SLC24A2: variants seen among roughly 807,000 people sequenced by gnomAD.
SLC24A2 encodes solute carrier family 24 member 2.
A neutral mutation model predicts 62.0 loss-of-function variants in SLC24A2; 36 were observed. The ratio of observed to expected loss-of-function variants is 0.58; its 90% confidence interval spans 0.44 to 0.77. The LOEUF is 0.77. SLC24A2 is among the 30% of genes least tolerant of loss of function. The pLI is 0.00. For missense variants in SLC24A2, 846 were observed against 817.9 expected, an observed-to-expected ratio of 1.03 and a Z score of -0.42; for synonymous variants, 358 against 294.0, an observed-to-expected ratio of 1.22 and a Z score of -2.23.
At chr9:20,205,798 T>C in the SLC24A2 span, among the ~76,000 whole-genome samples, 90 of 152,300 alleles carry the variant, frequency 5.9e-4, no homozygotes, top group African/African-American at 2.0e-3. Context: ...CTATCAGTTA[T>C]GAAAGTTAAA....
At chr9:19,521,770 T>C (rs1157839814) in intron 9 of SLC24A2, among the ~76,000 whole-genome samples, 1 of 152,168 alleles carries the variant, frequency 6.6e-6, no homozygotes, top group African/African-American at 2.4e-5. Flanking sequence ...CCTTACCAGG[T>C]ACTTGTGAGG....
intron 1 of SLC24A2, among the ~76,000 whole-genome samples, chr9:19,788,350 C>T (rs1564102581): frequency 6.6e-6 from 1 of 152,206 alleles, no homozygotes; most frequent in Non-Finnish European, 1.5e-5. Flanking sequence ...TTCAACTCCC[C>T]GGGCGCAAAG....
the SLC24A2 span, among the ~76,000 whole-genome samples, chr9:20,046,101 G>A: frequency 2.6e-5 from 4 of 152,326 alleles, no homozygotes; most frequent in Admixed American, 6.5e-5. Context: ...TGAGTGTGGT[G>A]TCCTCATCTT....
intron 8 of SLC24A2, among the ~76,000 whole-genome samples, chr9:19,531,580 G>T (rs1032834428): frequency 1.3e-5 from 2 of 152,232 alleles, no homozygotes; most frequent in African/African-American, 4.8e-5. Flanking sequence ...GGAAAAAGAT[G>T]CTGGACATTA....
the SLC24A2 span, chr9:19,927,496 G>C: frequency 6.6e-6 from 1 of 152,224 alleles, no homozygotes; most frequent in South Asian, 2.1e-4. Flanking sequence ...TTTGGGCCTA[G>C]AATTGACATC....
At chr9:20,122,461 C>T in the SLC24A2 span, among the ~76,000 whole-genome samples, 1 of 152,088 alleles carries the variant, frequency 6.6e-6, no homozygotes, top group Non-Finnish European at 1.5e-5. Context: ...CTGACGTGGG[C>T]AGATCACTTG....
At chr9:19,970,739 G>C in the SLC24A2 span, among the ~76,000 whole-genome samples, 1 of 152,028 alleles carries the variant, frequency 6.6e-6, no homozygotes, top group Non-Finnish European at 1.5e-5. Flanking sequence ...ATTTTCTGTT[G>C]CTCCATTTTC....
chr9:19,565,126 G>A (rs1835593802), intron 7 of SLC24A2, among the ~76,000 whole-genome samples: 1 of 152,106 alleles, frequency 6.6e-6, no homozygotes, highest in Non-Finnish European at 1.5e-5. Context: ...AATCACGCAG[G>A]AGAAAGAAAT....
chr9:19,560,116 A>G (rs762252180), intron 7 of SLC24A2, among the ~76,000 whole-genome samples: 1 of 152,156 alleles, frequency 6.6e-6, no homozygotes, highest in South Asian at 2.1e-4. Flanking sequence ...TAAGGGCTCT[A>G]AGGCTGAGGA....
chr9:20,244,203 A>C, the SLC24A2 span, among the ~76,000 whole-genome samples: 594 of 152,326 alleles, frequency 3.9e-3, 3 homozygotes, highest in African/African-American at 0.013. Context: ...AAAAGAAAAG[A>C]AAATATAAAC....
At chr9:19,719,146 T>A (rs1170420418) in intron 2 of SLC24A2, among the ~76,000 whole-genome samples, 6 of 152,040 alleles carry the variant, frequency 3.9e-5, no homozygotes, top group Admixed American at 6.5e-5. Context: ...CTTGAAGAAG[T>A]TTTCTGGGGG....
At chr9:19,745,887 G>C (rs1330625975) in intron 2 of SLC24A2, among the ~76,000 whole-genome samples, 1 of 152,096 alleles carries the variant, frequency 6.6e-6, no homozygotes, top group African/African-American at 2.4e-5. Context: ...ATCATAGTTA[G>C]GAAAGTGTCA....
At chr9:20,152,032 T>C in the SLC24A2 span, among the ~76,000 whole-genome samples, 3 of 151,998 alleles carry the variant, frequency 2.0e-5, no homozygotes, top group East Asian at 3.9e-4. Flanking sequence ...TTCTTCACCA[T>C]CTCCCATGGT....
At chr9:19,759,837 G>A (rs565468837) in intron 2 of SLC24A2, among the ~76,000 whole-genome samples, 1 of 152,134 alleles carries the variant, frequency 6.6e-6, no homozygotes, top group Non-Finnish European at 1.5e-5. Flanking sequence ...CTGAGAAAGT[G>A]AGTGAACCAC....
At chr9:19,636,260 C>T (rs1254998381) in intron 2 of SLC24A2, among the ~76,000 whole-genome samples, 1 of 52,760 alleles carries the variant, frequency 1.9e-5, no homozygotes, top group East Asian at 8.0e-4. Flanking sequence ...GTGTCCTTTT[C>T]TTTTCTTCTC....
the SLC24A2 span, among the ~76,000 whole-genome samples, chr9:20,197,185 A>G: frequency 6.6e-6 from 1 of 152,186 alleles, no homozygotes; most frequent in Non-Finnish European, 1.5e-5. Context: ...AGAGATTTCT[A>G]GAAATGAAAT....
At chr9:19,745,921 T>G (rs1587259120) in intron 2 of SLC24A2, among the ~76,000 whole-genome samples, 1 of 152,272 alleles carries the variant, frequency 6.6e-6, no homozygotes, top group African/African-American at 2.4e-5. Flanking sequence ...TCTAGTTTCC[T>G]GACATATCAT....
chr9:20,012,068 C>T, the SLC24A2 span, among the ~76,000 whole-genome samples: 1 of 152,100 alleles, frequency 6.6e-6, no homozygotes, highest in Non-Finnish European at 1.5e-5. Flanking sequence ...ATGTGACAAA[C>T]CTATGGCTAA....
the SLC24A2 span, among the ~76,000 whole-genome samples, chr9:20,143,046 G>C: frequency 2.6e-5 from 4 of 152,186 alleles, no homozygotes; most frequent in Non-Finnish European, 5.9e-5. Context: ...CTGAGGCTCA[G>C]AGTCACCCAC....
Sources: allele counts gnomAD v4.1 joint callset (sites outside exome capture counted in the v4.1 genomes callset), GRCh38; gene constraint gnomAD v4.1.1; transcripts MANE v1.5; gene names NCBI Gene and HGNC (gene_info 2026-07-23, HGNC 2026-07-21).